Variants in ANKRD17 observed in about 807,000 individuals in gnomAD.
The protein encoded by ANKRD17 is ankyrin repeat domain 17.
A neutral mutation model predicts 229.7 loss-of-function variants in ANKRD17; 19 were observed. That is an observed-to-expected ratio of 0.08 (90% CI 0.06 to 0.12). The LOEUF is 0.12. ANKRD17 is among the 10% of genes least tolerant of loss of function. The pLI is 1.00. For synonymous variants in ANKRD17, 1,112 were observed against 1,146.1 expected (o/e 0.97, Z 0.60); for missense variants, 2,176 against 3,176.8 (o/e 0.68, Z 7.57).
intron 19 of ANKRD17, 37 bp from the exon 20 acceptor site, chr4:73,121,131 T>G: frequency 1.3e-6 from 2 of 1,526,438 alleles, no homozygotes; most frequent in Non-Finnish European, 1.8e-6. Flanking sequence ...AATGGAAAAA[T>G]ATATATTTTA....
At chr4:73,100,736 T>C in intron 25 of ANKRD17, 1 of 595,226 alleles carries the variant, frequency 1.7e-6, no homozygotes, top group Non-Finnish European at 2.1e-6. Context: ...AAAATGTAGG[T>C]GACATAGAGG....
At chr4:73,170,875 A>T (rs1363262720) in intron 2 of ANKRD17, among the ~76,000 whole-genome samples, 1 of 152,038 alleles carries the variant, frequency 6.6e-6, no homozygotes, top group African/African-American at 2.4e-5. Flanking sequence ...CATTAGATAG[A>T]TTTCTAAGGT....
At chr4:73,148,695 T>C in intron 8 of ANKRD17, 118 bp downstream of exon 8, 1 of 890,796 alleles carries the variant, frequency 1.1e-6, no homozygotes. Flanking sequence ...TATCACTGGT[T>C]TGTGTAATAG....
At chr4:73,126,073 G>A (rs1019924761) in intron 16 of ANKRD17, among the ~76,000 whole-genome samples, 1 of 152,146 alleles carries the variant, frequency 6.6e-6, no homozygotes, top group African/African-American at 2.4e-5. Context: ...ATAGTGCAAG[G>A]AGCAAGTATC....
chr4:73,091,167 G>C lies in ANKRD17; in HGVS notation c.6461C>G (p.Pro2154Arg), dbSNP rs745362206. The stretch of plus-strand genomic sequence containing the variant: ...TGTCTGAGGCATAGGGTAAGTCACT[G>C]GGGCAGTAGAAGGCACCGCCACTGG... ...SAPVAVPSTAPVTYPMPQTPM... is the reference protein window; with the variant it reads ...SAPVAVPSTARVTYPMPQTPM... Residue 2154 changes from proline (P) to arginine (R), a missense_variant, in exon 29 of 34, where the codon CCA becomes CGA. By Grantham distance (103) the Pro-to-Arg change is moderately radical. Transcript: ENST00000358602. 1 of 1,614,160 alleles carries C rather than the reference G, an allele frequency of 6.2e-7. No homozygotes were observed. The highest frequency in any genetic ancestry group is 2.2e-5 in the East Asian group (1 of 44,882).
At chr4:73,103,355 A>C (rs981705448) in intron 24 of ANKRD17, among the ~76,000 whole-genome samples, 5 of 152,172 alleles carry the variant, frequency 3.3e-5, no homozygotes, top group African/African-American at 1.2e-4. Flanking sequence ...AGGGTGGAAC[A>C]GGAGGAGGGA....
chr4:73,208,168 G>A (rs564934214), intron 1 of ANKRD17, among the ~76,000 whole-genome samples: 24 of 113,298 alleles, frequency 2.1e-4, no homozygotes, highest in African/African-American at 4.3e-4. Flanking sequence ...CAGCCTGGGC[G>A]ACACAGCGAG....
intron 1 of ANKRD17, among the ~76,000 whole-genome samples, chr4:73,193,170 G>A (rs1303083849): frequency 6.6e-6 from 1 of 152,154 alleles, no homozygotes; most frequent in African/African-American, 2.4e-5. Flanking sequence ...TGGAATCACA[G>A]GTTTCTGAAT....
At chr4:73,226,783 G>A (rs565783960) in intron 1 of ANKRD17, among the ~76,000 whole-genome samples, 2 of 151,810 alleles carry the variant, frequency 1.3e-5, no homozygotes, top group South Asian at 2.1e-4. Context: ...GCGCAATCTC[G>A]GCTAACTTGC....
chr4:73,158,538 T>C (rs1308577915), intron 3 of ANKRD17, among the ~76,000 whole-genome samples: 1 of 151,038 alleles, frequency 6.6e-6, no homozygotes, highest in East Asian at 2.0e-4. Context: ...CCATTTTAAG[T>C]GAGGACTTCT....
intron 3 of ANKRD17, among the ~76,000 whole-genome samples, chr4:73,156,972 T>C (rs1319227792): frequency 5.3e-5 from 8 of 152,212 alleles, no homozygotes; most frequent in Admixed American, 4.6e-4. Context: ...TACATATTAA[T>C]GGCACTGAAT....
In ANKRD17 at chr4:73,118,880, CTTTTTTTTTTT is replaced by C. The variant is rs751549226; in HGVS notation, c.4026-41_4026-31del. The C allele has an allele frequency of 2.4e-5, 19 of 804,694 alleles. No individual in the cohort carries two copies. In the Admixed American group the frequency reaches 2.4e-4, roughly 10 times the overall value. The allele number at this position is 804,694 out of a possible 1,614,324, so 49.8% of individuals were successfully genotyped here. On this transcript the variant is annotated intron_variant, in intron 21 of 33. Transcript: ENST00000358602. ...AAACCAATGACACAGATAGCATTGTCTTTTTTTTTTTTTTTTTTTTTTTTGATACAGGGTCT... is the reference window on the plus strand; with the variant it reads ...AAACCAATGACACAGATAGCATTGTCTTTTTTTTTTTTTGATACAGGGTCT...
chr4:73,106,205 C>G (rs1408445207), intron 24 of ANKRD17, among the ~76,000 whole-genome samples: 2 of 151,764 alleles, frequency 1.3e-5, no homozygotes, highest in African/African-American at 4.8e-5. Flanking sequence ...GATCGCGCCA[C>G]TGCACTCCAG....
chr4:73,246,861 C>T (rs753599214), intron 1 of ANKRD17, among the ~76,000 whole-genome samples: 1 of 152,026 alleles, frequency 6.6e-6, no homozygotes, highest in Non-Finnish European at 1.5e-5. Context: ...GAATTAAATA[C>T]TATATCCAAA....
intron 28 of ANKRD17, among the ~76,000 whole-genome samples, chr4:73,093,874 TAA>T (rs1723034217): frequency 6.6e-6 from 1 of 152,164 alleles, no homozygotes; most frequent in East Asian, 1.9e-4. Flanking sequence ...CAAATTCCTA[TAA>T]AAGTCTCTGA....
intron 1 of ANKRD17, among the ~76,000 whole-genome samples, chr4:73,247,798 T>C (rs1235282949): frequency 1.3e-5 from 2 of 151,942 alleles, no homozygotes; most frequent in Admixed American, 6.6e-5. Flanking sequence ...GCAAGCAAAA[T>C]TTCTAAGTGG....
chr4:73,141,218 C>T (rs1381612844), intron 14 of ANKRD17, among the ~76,000 whole-genome samples: 1 of 152,220 alleles, frequency 6.6e-6, no homozygotes, highest in Admixed American at 6.5e-5. Flanking sequence ...TAAGAACACA[C>T]ATGGTGTAAC....
intron 25 of ANKRD17, chr4:73,100,867 GCACATA>G: frequency 1.0e-6 from 1 of 985,188 alleles, no homozygotes; most frequent in Non-Finnish European, 1.2e-6. Context: ...CACATTGCAT[GCACATA>G]TTTTTGGTGG....
chr4:73,203,961 A>C (rs1739073673), intron 1 of ANKRD17, among the ~76,000 whole-genome samples: 1 of 152,132 alleles, frequency 6.6e-6, no homozygotes, highest in African/African-American at 2.4e-5. Flanking sequence ...GGGGGGGAAA[A>C]AACCATCATG....
Sources: gnomAD v4.1 joint callset for allele counts (sites outside exome capture counted in the v4.1 genomes callset) on GRCh38, gnomAD v4.1.1 for gene constraint, MANE v1.5 for transcripts, NCBI Gene and HGNC (gene_info 2026-07-23, HGNC 2026-07-21) for gene names.